The following PIP5K1B variants were observed in gnomAD, a reference collection of about 807,000 sequenced individuals.
PIP5K1B encodes phosphatidylinositol-4-phosphate 5-kinase type 1 beta.
In PIP5K1B, 42 loss-of-function variants were observed where a neutral mutation model predicts 67.0. That is an observed-to-expected ratio of 0.63 (90% CI 0.49 to 0.81). The LOEUF (loss-of-function observed/expected upper bound fraction) is 0.81, where lower values mean the gene tolerates loss of function less well. PIP5K1B is among the 30% of genes least tolerant of loss of function. The pLI is 0.00. For synonymous variants in PIP5K1B, 214 were observed against 231.4 expected (o/e 0.92, Z 0.68); for missense variants, 459 against 646.3 (o/e 0.71, Z 3.14).
At chr9:68,743,401 G>A (rs1317915178) in intron 2 of PIP5K1B, among the ~76,000 whole-genome samples, 7 of 152,010 alleles carry the variant, frequency 4.6e-5, no homozygotes, top group Admixed American at 2.0e-4. Flanking sequence ...TTGGGGTTTC[G>A]CTATGTGCCC....
intron 15 of PIP5K1B, 24 bp from the exon 16 acceptor site, chr9:69,008,423 C>T: frequency 1.9e-6 from 3 of 1,613,124 alleles, no homozygotes; most frequent in South Asian, 1.1e-5. Flanking sequence ...TCTAGTCTCA[C>T]ACCTGCTTTT....
intron 8 of PIP5K1B, among the ~76,000 whole-genome samples, chr9:68,906,442 T>C (rs1443961748): frequency 6.6e-6 from 1 of 152,202 alleles, no homozygotes; most frequent in Non-Finnish European, 1.5e-5. Flanking sequence ...TCCATGAGAA[T>C]GAAATGGCCA....
intron 8 of PIP5K1B, among the ~76,000 whole-genome samples, chr9:68,915,396 A>G (rs1034270684): frequency 3.3e-5 from 5 of 152,156 alleles, no homozygotes; most frequent in Non-Finnish European, 7.4e-5. Context: ...CCCTTCTACC[A>G]CTTGTTTCTG....
chr9:68,924,904 AATACTTTGAT>A (rs1253076041), intron 12 of PIP5K1B, among the ~76,000 whole-genome samples: 2 of 152,190 alleles, frequency 1.3e-5, no homozygotes. Context: ...ATCCACTGCT[AATACTTTGAT>A]GTACTTTCTA....
At chr9:68,929,165 A>T (rs1826863510) in intron 12 of PIP5K1B, among the ~76,000 whole-genome samples, 1 of 1,458 alleles carries the variant, frequency 6.9e-4, no homozygotes, top group Non-Finnish European at 6.9e-3. Flanking sequence ...ACTCTATCTA[A>T]AAAAAAAAAA....
At chr9:68,810,310 C>T (rs1833091699) in intron 2 of PIP5K1B, among the ~76,000 whole-genome samples, 1 of 152,192 alleles carries the variant, frequency 6.6e-6, no homozygotes, top group Non-Finnish European at 1.5e-5. Context: ...GGCAGAGGCA[C>T]CAAAACAAAA....
At chr9:68,945,436 G>A (rs529628726) in intron 14 of PIP5K1B, among the ~76,000 whole-genome samples, 127 of 152,266 alleles carry the variant, frequency 8.3e-4, no homozygotes, top group South Asian at 1.9e-3. Context: ...GTGAGCCACC[G>A]CACCCAGCCA....
intron 14 of PIP5K1B, among the ~76,000 whole-genome samples, chr9:68,952,862 T>C (rs918335436): frequency 1.3e-5 from 2 of 151,664 alleles, no homozygotes; most frequent in Non-Finnish European, 2.9e-5. Flanking sequence ...TTCCTTTCTT[T>C]CTTTCTTCCT....
chr9:69,008,134 T>TC (rs1831173005), intron 15 of PIP5K1B, among the ~76,000 whole-genome samples: 1 of 152,172 alleles, frequency 6.6e-6, no homozygotes, highest in Non-Finnish European at 1.5e-5. Context: ...CCACAGCACA[T>TC]CCCCTCATCC....
At chr9:68,777,747 T>C (rs1441527637) in intron 2 of PIP5K1B, among the ~76,000 whole-genome samples, 1 of 152,250 alleles carries the variant, frequency 6.6e-6, no homozygotes, top group Non-Finnish European at 1.5e-5. Context: ...GGACGAACAA[T>C]ATCTGGTACA....
intron 2 of PIP5K1B, among the ~76,000 whole-genome samples, chr9:68,760,597 C>G (rs1459980993): frequency 6.6e-6 from 1 of 152,044 alleles, no homozygotes; most frequent in Non-Finnish European, 1.5e-5. Context: ...CCATGAAGGT[C>G]AGCTCACTCT....
At chr9:68,928,042 T>C (rs998069586) in intron 12 of PIP5K1B, among the ~76,000 whole-genome samples, 2 of 152,036 alleles carry the variant, frequency 1.3e-5, no homozygotes, top group African/African-American at 4.8e-5. Context: ...CTTGGCACTC[T>C]TATTGAAAAT....
intron 2 of PIP5K1B, among the ~76,000 whole-genome samples, chr9:68,792,815 C>T (rs1214345783): frequency 1.3e-5 from 2 of 152,154 alleles, no homozygotes. Flanking sequence ...TAGTAAGATT[C>T]TTAGTGGAAC....
chr9:68,857,958 T>TG (rs1462617481), intron 4 of PIP5K1B, among the ~76,000 whole-genome samples: 15 of 130,344 alleles, frequency 1.2e-4, no homozygotes, highest in African/African-American at 2.9e-4. Context: ...TCTCTTGCTG[T>TG]TTTGTTGTTG....
At chr9:68,837,227 T>A (rs1834660453) in intron 4 of PIP5K1B, among the ~76,000 whole-genome samples, 1 of 152,206 alleles carries the variant, frequency 6.6e-6, no homozygotes, top group Non-Finnish European at 1.5e-5. Context: ...ACTTGGCCCA[T>A]GACCTCAGGA....
chr9:68,991,503 G>A (rs979670142), intron 15 of PIP5K1B, among the ~76,000 whole-genome samples: 1 of 152,214 alleles, frequency 6.6e-6, no homozygotes, highest in African/African-American at 2.4e-5. Context: ...ATCCTCTAAT[G>A]TTGAGGCAAA....
chr9:68,830,956 C>G (rs919289095), intron 4 of PIP5K1B, among the ~76,000 whole-genome samples: 12 of 152,238 alleles, frequency 7.9e-5, no homozygotes, highest in Non-Finnish European at 1.8e-4. Flanking sequence ...CACTCACTAC[C>G]TGCCCTCCTT....
At chr9:68,807,046 A>G (rs1832909940) in intron 2 of PIP5K1B, among the ~76,000 whole-genome samples, 1 of 151,920 alleles carries the variant, frequency 6.6e-6, no homozygotes, top group Non-Finnish European at 1.5e-5. Context: ...AGGCAAAGCC[A>G]AGTAAAAGTA....
intron 13 of PIP5K1B, among the ~76,000 whole-genome samples, chr9:68,937,488 C>G (rs958774929): frequency 1.3e-5 from 2 of 152,146 alleles, no homozygotes; most frequent in Non-Finnish European, 2.9e-5. Context: ...TTTGATTCTT[C>G]TCTCTTTTCT....
Sources: gnomAD v4.1 joint callset for allele counts (sites outside exome capture counted in the v4.1 genomes callset) on GRCh38, gnomAD v4.1.1 for gene constraint, MANE v1.5 for transcripts, NCBI Gene and HGNC (gene_info 2026-07-23, HGNC 2026-07-21) for gene names.